CCM2: variants seen among roughly 807,000 people sequenced by gnomAD.
The protein encoded by CCM2 is CCM2 scaffold protein, also known as cerebral cavernous malformations 2 protein.
CCM2 carries 25 observed loss-of-function variants against 44.9 expected under a neutral mutation model. The observed-to-expected ratio is 0.56, with a 90% CI of 0.41 to 0.78. The LOEUF is 0.78. Ranked by LOEUF, CCM2 falls within the 30% of genes least tolerant of loss-of-function variation. CCM2 has a pLI of 0.00. For synonymous variants in CCM2, 219 were observed against 241.1 expected, an observed-to-expected ratio of 0.91 and a Z score of 0.85; for missense variants, 481 against 580.6, an observed-to-expected ratio of 0.83 and a Z score of 1.76.
Position 45,076,156 on chromosome 7 carries a change from C to T in CCM2, c.*99C>T, listed in dbSNP as rs538416076. On this transcript the variant is annotated 3_prime_UTR_variant, in exon 10 of 10. Coordinates refer to ENST00000258781, the MANE Select transcript of CCM2 (RefSeq NM_031443.4). The stretch of plus-strand genomic sequence containing the variant: ...CCTGCGTGTCAGCCCTTGGTGGTGG[C>T]CAGGGAGAGGCGCCCGGTGCAGATG... 5.1e-5 allele frequency: 79 copies of T among 1,553,584 alleles called. No individual in the cohort carries two copies. The East Asian group carries it at 1.7e-3, about 34-fold the overall frequency.
chr7:45,053,621 G>T (rs1386407763), intron 2 of CCM2, among the ~76,000 whole-genome samples: 2 of 152,122 alleles, frequency 1.3e-5, no homozygotes, highest in Non-Finnish European at 2.9e-5. Context: ...GCTGCTCCCT[G>T]GCTTCTGCTA....
At chr7:45,001,568 G>T (rs1226950260) in intron 1 of CCM2, among the ~76,000 whole-genome samples, 2 of 152,242 alleles carry the variant, frequency 1.3e-5, no homozygotes, top group Non-Finnish European at 2.9e-5. Flanking sequence ...GAGCTTTGCG[G>T]AAAGTGAGCC....
chr7:45,068,624 AC>A, intron 5 of CCM2, 45 bp downstream of exon 5: 1 of 1,611,306 alleles, frequency 6.2e-7, no homozygotes, highest in Non-Finnish European at 8.5e-7. Context: ...CTCCTCCCAG[AC>A]CCTGCTCATG....
At chr7:45,005,881 C>A (rs1336371235) in intron 1 of CCM2, among the ~76,000 whole-genome samples, 1 of 152,174 alleles carries the variant, frequency 6.6e-6, no homozygotes, top group Non-Finnish European at 1.5e-5. Flanking sequence ...TGGAGAGGAC[C>A]CCCCAGTCCT....
intron 1 of CCM2, among the ~76,000 whole-genome samples, chr7:45,013,048 C>T (rs1796127121): frequency 6.6e-6 from 1 of 152,042 alleles, no homozygotes; most frequent in South Asian, 2.1e-4. Flanking sequence ...TTTTCTCTTT[C>T]CCTTTGTGCT....
chr7:45,066,724 G>C (rs1053687175), intron 4 of CCM2, among the ~76,000 whole-genome samples: 1 of 152,084 alleles, frequency 6.6e-6, no homozygotes, highest in Non-Finnish European at 1.5e-5. Flanking sequence ...AGCACTTCCT[G>C]GATGATATAG....
intron 2 of CCM2, among the ~76,000 whole-genome samples, chr7:45,039,291 T>C (rs1484664342): frequency 6.6e-6 from 1 of 152,212 alleles, no homozygotes; most frequent in Non-Finnish European, 1.5e-5. Context: ...GTATGTGGAA[T>C]GGAGAGAATT....
At chr7:45,064,136 AAGACTAT>A in intron 3 of CCM2, 135 bp downstream of exon 3, 1 of 673,550 alleles carries the variant, frequency 1.5e-6, no homozygotes, top group South Asian at 1.8e-5. Context: ...CTTGGCCATA[AAGACTAT>A]TCCTTAGTAT....
chr7:45,021,201 G>C (rs1796466640), intron 1 of CCM2, among the ~76,000 whole-genome samples: 2 of 152,138 alleles, frequency 1.3e-5, no homozygotes, highest in Non-Finnish European at 2.9e-5. Flanking sequence ...AGAATGCAGT[G>C]AGCCATGATT....
chr7:45,040,246 C>T (rs571255498), intron 2 of CCM2, among the ~76,000 whole-genome samples: 145 of 147,902 alleles, frequency 9.8e-4, no homozygotes, highest in African/African-American at 3.2e-3. Context: ...TAGCCGGGCG[C>T]GGTGGCGGGC....
Position 45,064,603 on chromosome 7 carries a change from C to T in CCM2, c.429C>T (p.Ser143=). Residue 143 remains serine (S), a synonymous_variant, in exon 4 of 10, where the codon TCC becomes TCT. Transcript: ENST00000258781. ...CCATCCATGACATCGCCGCCGTCTCCTATGTTCGGGATGACGCTGCACACC... is the reference window on the plus strand; with the variant it reads ...CCATCCATGACATCGCCGCCGTCTCTTATGTTCGGGATGACGCTGCACACC... ...RVPIHDIAAV[S]YVRDDAAHLV... 1 of 1,614,026 alleles carries T rather than the reference C, an allele frequency of 6.2e-7. No individual in the cohort carries two copies. Among genetic ancestry groups the T allele is most frequent in the Non-Finnish European group, 8.5e-7 (1 of 1,180,038 alleles).
At chr7:45,055,541 T>C (rs959540574) in intron 2 of CCM2, among the ~76,000 whole-genome samples, 3 of 151,900 alleles carry the variant, frequency 2.0e-5, no homozygotes, top group Non-Finnish European at 4.4e-5. Flanking sequence ...ACAAAAAAAT[T>C]AGCTGGGTGT....
In CCM2 at chr7:45,000,378, G is replaced by A; in HGVS notation, c.30+15G>A. On this transcript the variant is annotated intron_variant, in intron 1 of 9. Coordinates refer to ENST00000258781, the MANE Select transcript of CCM2 (RefSeq NM_031443.4). Reference sequence around the variant, plus strand: ...AGGGCAAGAAGGTGAGCGTGCGCGGGGGCGTCCTACTGCTGTGGTCGGCGG... The same window carrying A: ...AGGGCAAGAAGGTGAGCGTGCGCGGAGGCGTCCTACTGCTGTGGTCGGCGG... The A allele has an allele frequency of 7.7e-7, 1 of 1,293,054 alleles. No individual in the cohort carries two copies. The highest frequency in any genetic ancestry group is 9.9e-7 in the Non-Finnish European group (1 of 1,013,150). 80.1% of individuals were successfully genotyped at this position (1,293,054 alleles called of 1,614,324 possible). A position where few individuals can be genotyped will look rare whatever the true frequency, so the allele number is the denominator to read the frequency against.
At chr7:45,023,129 T>C (rs1001482810) in intron 1 of CCM2, among the ~76,000 whole-genome samples, 1 of 152,176 alleles carries the variant, frequency 6.6e-6, no homozygotes, top group Non-Finnish European at 1.5e-5. Flanking sequence ...TCCCACTTTC[T>C]CCCTTTCTAA....
At chr7:45,034,364 A>G (rs891427760) in intron 1 of CCM2, among the ~76,000 whole-genome samples, 4 of 152,086 alleles carry the variant, frequency 2.6e-5, no homozygotes, top group Admixed American at 2.6e-4. Flanking sequence ...GGCATCTGCC[A>G]CTACACCCAG....
intron 1 of CCM2, among the ~76,000 whole-genome samples, chr7:45,003,285 A>G (rs1277382374): frequency 6.6e-6 from 1 of 151,772 alleles, no homozygotes; most frequent in Non-Finnish European, 1.5e-5. Flanking sequence ...CATGTTGGTC[A>G]GGCTAGTCTC....
chr7:45,031,449 G>T (rs1429631042), intron 1 of CCM2, among the ~76,000 whole-genome samples: 3 of 150,856 alleles, frequency 2.0e-5, no homozygotes, highest in Non-Finnish European at 2.9e-5. Flanking sequence ...GGCAGTCATA[G>T]CCCACTGCAG....
chr7:45,016,194 G>T (rs990058588), intron 1 of CCM2, among the ~76,000 whole-genome samples: 6 of 152,192 alleles, frequency 3.9e-5, no homozygotes, highest in Non-Finnish European at 7.3e-5. Flanking sequence ...GAGGAGGAGG[G>T]GTTGGAACAG....
chr7:45,009,982 A>G (rs1796004791), intron 1 of CCM2, among the ~76,000 whole-genome samples: 1 of 151,146 alleles, frequency 6.6e-6, no homozygotes, highest in African/African-American at 2.4e-5. Flanking sequence ...CAATCATGGC[A>G]CACTGCAGCC....
Sources: allele counts gnomAD v4.1 joint callset (sites outside exome capture counted in the v4.1 genomes callset), GRCh38; gene constraint gnomAD v4.1.1; transcripts MANE v1.5; gene names NCBI Gene and HGNC (gene_info 2026-07-23, HGNC 2026-07-21).